DROSHA: variants seen among roughly 807,000 people sequenced by gnomAD.
DROSHA encodes ribonuclease 3.
DROSHA carries 56 observed loss-of-function variants against 181.9 expected under a neutral mutation model. The ratio of observed to expected loss-of-function variants is 0.31; its 90% CI spans 0.25 to 0.38. The LOEUF (loss-of-function observed/expected upper bound fraction) is 0.38. Ranked by LOEUF, DROSHA falls within the 10% of genes least tolerant of loss-of-function variation. The pLI is 1.00. For synonymous variants in DROSHA, 524 were observed against 591.2 expected (o/e 0.89, Z 1.65); for missense variants, 1,218 against 1,743.5 (o/e 0.70, Z 5.37).
At chr5:31,504,534 A>G (rs762364956) in intron 11 of DROSHA, 21 bp downstream of exon 11, 1 of 1,613,446 alleles carries the variant, frequency 6.2e-7, no homozygotes, top group East Asian at 2.2e-5. Flanking sequence ...ATTTACAAAC[A>G]TAATAACCCA....
chr5:31,503,205 G>A (rs1473134267), intron 11 of DROSHA, among the ~76,000 whole-genome samples: 1 of 152,134 alleles, frequency 6.6e-6, no homozygotes, highest in Non-Finnish European at 1.5e-5. Flanking sequence ...TGAATGAAGT[G>A]ACCACAGTAG....
chr5:31,431,735 G>C (rs1173605045), intron 25 of DROSHA, 57 bp from the exon 26 acceptor site: 9 of 1,542,270 alleles, frequency 5.8e-6, no homozygotes, highest in Admixed American at 1.7e-5. Context: ...CTTAACTATA[G>C]TAACTCAGCA....
Position 31,401,191 on chromosome 5 carries a change from A to G in DROSHA, c.*241T>C. 2.3e-6 allele frequency: 1 copy of G among 437,112 alleles called. No individual in the cohort carries two copies. Among genetic ancestry groups the G allele is most frequent in the Non-Finnish European group, 4.2e-6 (1 of 237,728 alleles). 27.1% of individuals were successfully genotyped at this position (437,112 alleles called of 1,614,324 possible). ...TTTATTATTTAAAGAGCAAAATAAAAGGAAGTAATGCACATTCACCAAAGT... is the reference window on the plus strand; with the variant it reads ...TTTATTATTTAAAGAGCAAAATAAAGGGAAGTAATGCACATTCACCAAAGT... On this transcript the variant is annotated 3_prime_UTR_variant, in exon 36 of 36. Transcript: ENST00000344624.
At chr5:31,480,730 A>G (rs928163320) in intron 16 of DROSHA, among the ~76,000 whole-genome samples, 1 of 152,218 alleles carries the variant, frequency 6.6e-6, no homozygotes, top group African/African-American at 2.4e-5. Context: ...ATCAGTAAAC[A>G]AGCATTTACT....
intron 34 of DROSHA, 41 bp from the exon 35 acceptor site, chr5:31,405,764 A>G (rs1329275766): frequency 3.7e-6 from 2 of 545,232 alleles, no homozygotes; most frequent in Non-Finnish European, 5.4e-6. Flanking sequence ...TAATTTCAAG[A>G]TTCTTTTTTT....
chr5:31,421,952 T>C (rs1032257115), intron 29 of DROSHA: 4 of 128,220 alleles, frequency 3.1e-5, no homozygotes, highest in African/African-American at 1.3e-4. Flanking sequence ...TAGCCAGGCA[T>C]GGTAGCACAC....
intron 7 of DROSHA, 97 bp from the exon 8 acceptor site, chr5:31,515,316 A>G: frequency 7.6e-7 from 1 of 1,313,734 alleles, no homozygotes; most frequent in East Asian, 2.4e-5. Flanking sequence ...CACCTAAAAT[A>G]TGAATACCAT....
intron 13 of DROSHA, among the ~76,000 whole-genome samples, chr5:31,491,342 T>C (rs771904143): frequency 6.6e-6 from 1 of 152,192 alleles, no homozygotes; most frequent in Non-Finnish European, 1.5e-5. Flanking sequence ...GCCAATGAGA[T>C]TGTTCCCACT....
At chr5:31,485,107 G>A (rs1221918706) in intron 14 of DROSHA, 145 bp from the exon 15 acceptor site, 7 of 555,634 alleles carry the variant, frequency 1.3e-5, no homozygotes, top group South Asian at 2.8e-5. Flanking sequence ...TTTGGCCACT[G>A]ATCGCTAGTT....
At chr5:31,474,167 C>T (rs927581549) in intron 16 of DROSHA, among the ~76,000 whole-genome samples, 1 of 152,026 alleles carries the variant, frequency 6.6e-6, no homozygotes, top group East Asian at 1.9e-4. Flanking sequence ...AATGATTGTC[C>T]AAGAAGTGAC....
intron 10 of DROSHA, chr5:31,505,786 TAAAAG>T (rs1487925814): frequency 6.6e-6 from 1 of 152,122 alleles, no homozygotes; most frequent in Non-Finnish European, 1.5e-5. Flanking sequence ...TGACTAGCCT[TAAAAG>T]AAAAAATATA....
intron 6 of DROSHA, among the ~76,000 whole-genome samples, chr5:31,520,447 A>G (rs1739763387): frequency 1.3e-5 from 2 of 152,188 alleles, no homozygotes; most frequent in African/African-American, 4.8e-5. Context: ...TGCTCAGATA[A>G]TAATTATATA....
chr5:31,432,307 T>C (rs1236235357), intron 25 of DROSHA, among the ~76,000 whole-genome samples: 3 of 151,990 alleles, frequency 2.0e-5, no homozygotes, highest in African/African-American at 7.2e-5. Flanking sequence ...AATTTCTGTA[T>C]TTTTAGTAGA....
Position 31,401,580 on chromosome 5 carries a change from AT to A in DROSHA, c.3995-19del. 1 of 1,392,816 alleles carries A rather than the reference AT, an allele frequency of 7.2e-7. No homozygotes were observed. The highest frequency in any genetic ancestry group is 9.3e-7 in the Non-Finnish European group (1 of 1,070,200). The allele number at this position is 1,392,816 out of a possible 1,614,324, so 86.3% of individuals were successfully genotyped here. A position where few individuals can be genotyped will look rare whatever the true frequency, so the allele number is the denominator to read the frequency against. On this transcript the variant is annotated intron_variant, in intron 35 of 35. Coordinates refer to ENST00000344624, the MANE Select transcript of DROSHA (RefSeq NM_001382508.1). ...AAAATTATCTGACACAAGGAAATAT[AT>A]TTTATATTTAATAAAATTATATTTA...
chr5:31,436,682 C>T (rs964814852), intron 24 of DROSHA, among the ~76,000 whole-genome samples: 1 of 151,506 alleles, frequency 6.6e-6, no homozygotes, highest in African/African-American at 2.4e-5. Flanking sequence ...CGTGAGCCAC[C>T]GCGCCTAGCG....
At chr5:31,448,480 A>T in intron 23 of DROSHA, 67 bp downstream of exon 23, 1 of 1,393,324 alleles carries the variant, frequency 7.2e-7, no homozygotes, top group Non-Finnish European at 1.0e-6. Context: ...TGTATGCTTT[A>T]AATGAGTAAA....
intron 11 of DROSHA, among the ~76,000 whole-genome samples, chr5:31,500,006 G>A (rs1436154476): frequency 1.3e-5 from 2 of 152,308 alleles, no homozygotes; most frequent in Middle Eastern, 3.4e-3. Flanking sequence ...CAGGGCCCAG[G>A]AAACCTGAAA....
intron 12 of DROSHA, 38 bp downstream of exon 12, chr5:31,495,248 A>G: frequency 6.3e-7 from 1 of 1,588,278 alleles, no homozygotes; most frequent in Non-Finnish European, 8.6e-7. Context: ...CTCTATTTAC[A>G]TTTTAAATGA....
Position 31,405,701 on chromosome 5 carries a change from C to A in DROSHA, c.3970G>T (p.Ala1324Ser). The change falls in exon 35 of 36, where the codon GCA becomes TCA. Residue 1324 changes from alanine (A) to serine (S), a missense_variant. Ala to Ser is a moderately conservative substitution (Grantham distance 99, BLOSUM62 1). Coordinates refer to ENST00000344624, the MANE Select transcript of DROSHA (RefSeq NM_001382508.1). ...GPSIQQAEMG[A>S]AMDALEKYNF... is the part of the protein sequence containing the mutation. ...CATTTTTCAAGCGCATCCATTGCTG[C>A]TCCCATTTCCGCTTGCTGAATACTA... The A allele has an allele frequency of 2.6e-6, 4 of 1,561,342 alleles. No individual in the cohort carries two copies. The highest frequency in any genetic ancestry group is 1.9e-5 in the Admixed American group (1 of 52,870).
Sources: allele counts gnomAD v4.1 joint callset (sites outside exome capture counted in the v4.1 genomes callset), GRCh38; gene constraint gnomAD v4.1.1; transcripts MANE v1.5; gene names NCBI Gene and HGNC (gene_info 2026-07-23, HGNC 2026-07-21).